Variants in LIPA observed in about 807,000 individuals in gnomAD.
The protein encoded by LIPA is lysosomal acid lipase/cholesteryl ester hydrolase.
Under a neutral mutation model 40.6 loss-of-function variants are expected in LIPA, and 26 were observed. The observed-to-expected ratio is 0.64, with a 90% CI of 0.47 to 0.89. The LOEUF is 0.89. Ranked by LOEUF, LIPA falls within the 40% of genes least tolerant of loss-of-function variation. LIPA has a pLI of 0.00. For missense variants in LIPA, 455 were observed against 479.6 expected (o/e 0.95, Z 0.48); for synonymous variants, 188 against 168.4 (o/e 1.12, Z -0.90).
chr10:89,238,583 C>T (rs1218805176), intron 3 of LIPA, among the ~76,000 whole-genome samples: 2 of 152,160 alleles, frequency 1.3e-5, no homozygotes, highest in Non-Finnish European at 2.9e-5. Flanking sequence ...CCCCCTCTTC[C>T]ACCTCTGCTA....
intron 2 of LIPA, among the ~76,000 whole-genome samples, chr10:89,393,820 T>TA (rs1431398538): frequency 2.0e-5 from 3 of 152,102 alleles, no homozygotes; most frequent in African/African-American, 7.2e-5. Context: ...TTTGAAGAGG[T>TA]AAAAATTCCA....
At chr10:89,402,835 G>T in intron 2 of LIPA, 1 of 1,614,142 alleles carries the variant, frequency 6.2e-7, no homozygotes, top group South Asian at 1.1e-5. Context: ...TCTGCCTATC[G>T]CCTGGATGGC....
chr10:89,229,374 T>C (rs1445320695), intron 3 of LIPA, among the ~76,000 whole-genome samples: 2 of 152,220 alleles, frequency 1.3e-5, no homozygotes, highest in Non-Finnish European at 2.9e-5. Flanking sequence ...TTCAGGGCAG[T>C]AAGACTACTC....
upstream of LIPA, among the ~76,000 whole-genome samples, chr10:89,256,438 A>T (rs916185296): frequency 1.3e-5 from 2 of 152,244 alleles, no homozygotes; most frequent in Non-Finnish European, 2.9e-5. Flanking sequence ...AGCTGAGAAG[A>T]CAATGAGGTT....
chr10:89,403,845 C>G, intron 2 of LIPA: 2 of 606,728 alleles, frequency 3.3e-6, no homozygotes, highest in Non-Finnish European at 5.6e-6. Context: ...ATAAATCTGA[C>G]AAAATATTAG....
chr10:89,309,397 C>A (rs1348922598), intron 1 of LIPA: 1 of 152,212 alleles, frequency 6.6e-6, no homozygotes, highest in East Asian at 1.9e-4. Flanking sequence ...TAATGGAAAA[C>A]ACAAATCACA....
intron 3 of LIPA, among the ~76,000 whole-genome samples, chr10:89,233,642 G>A (rs1371411152): frequency 2.0e-5 from 3 of 152,192 alleles, no homozygotes; most frequent in East Asian, 1.9e-4. Flanking sequence ...GCTCACGCCT[G>A]TAATCCCAGC....
intron 2 of LIPA, chr10:89,403,457 T>G: frequency 6.2e-7 from 1 of 1,613,642 alleles, no homozygotes; most frequent in South Asian, 1.1e-5. Flanking sequence ...AAAAGAAATC[T>G]GACGTCAATG....
Position 89,359,031 on chromosome 10 carries a change from T to TGGA in LIPA, c.61+53757_61+53759dup, listed in dbSNP as rs1332824962. ...TCAAAATATCAGTTCTTTCAGTGAATGGAGCAAAGGAGGATGCCCATCAGC... is the reference window on the plus strand; with the variant it reads ...TCAAAATATCAGTTCTTTCAGTGAATGGAGGAGCAAAGGAGGATGCCCATCAGC... On this transcript the variant is annotated intron_variant, in intron 2 of 8. Transcript: ENST00000371837. Among the ~76,000 whole-genome samples the TGGA allele has an allele frequency of 2.6e-5, 4 of 152,360 alleles. No individual in the cohort carries two copies. In the East Asian group the frequency reaches 7.7e-4, roughly 29 times the overall value.
At chr10:89,278,595 G>A (rs1020781025) in intron 1 of LIPA, 5 of 152,190 alleles carry the variant, frequency 3.3e-5, no homozygotes, top group African/African-American at 1.2e-4. Flanking sequence ...AGACCTGGAA[G>A]ACCTGGCAAT....
chr10:89,320,828 C>T (rs1045471388), intron 1 of LIPA, among the ~76,000 whole-genome samples: 1 of 152,118 alleles, frequency 6.6e-6, no homozygotes, highest in Non-Finnish European at 1.5e-5. Flanking sequence ...TACTACAAGG[C>T]TACAGTAACC....
At chr10:89,301,769 G>A (rs951479177) in intron 1 of LIPA, among the ~76,000 whole-genome samples, 1 of 152,166 alleles carries the variant, frequency 6.6e-6, no homozygotes, top group Non-Finnish European at 1.5e-5. Context: ...TGAAATAAGA[G>A]AGGGACAGTG....
At chr10:89,367,303 C>T (rs949950624) in intron 2 of LIPA, among the ~76,000 whole-genome samples, 3 of 152,026 alleles carry the variant, frequency 2.0e-5, no homozygotes, top group African/African-American at 7.3e-5. Flanking sequence ...TGCACATGTA[C>T]CCTAGAACTT....
At chr10:89,331,813 C>T (rs1422892525) in intron 1 of LIPA, among the ~76,000 whole-genome samples, 1 of 140,444 alleles carries the variant, frequency 7.1e-6, no homozygotes, top group Non-Finnish European at 1.5e-5. Flanking sequence ...AAGCTGAGAT[C>T]GTGCTACTGC....
chr10:89,228,303 C>T lies in LIPA; in HGVS notation c.325G>A (p.Ala109Thr), dbSNP rs765652517. 12 of 1,614,182 alleles carry T rather than the reference C, an allele frequency of 7.4e-6. No individual in the cohort carries two copies. The highest frequency in any genetic ancestry group is 1.0e-5 in the Non-Finnish European group (12 of 1,180,032). ...LANSSLGFILADAGFDVWMGN... is the reference protein window; with the variant it reads ...LANSSLGFILTDAGFDVWMGN... ...ATCCACACGTCAAAACCAGCATCAG[C>T]AAGAATGAAGCCCAGGCTGCTGTTG... Residue 109 changes from alanine (A) to threonine (T), a missense_variant, in exon 4 of 10, where the codon GCT becomes ACT. By Grantham distance (58) the Ala-to-Thr change is moderately conservative (BLOSUM62 0). Coordinates refer to ENST00000336233, the MANE Select transcript of LIPA (RefSeq NM_000235.4).
intron 2 of LIPA, among the ~76,000 whole-genome samples, chr10:89,408,160 G>A (rs919779741): frequency 3.3e-5 from 5 of 151,436 alleles, no homozygotes; most frequent in Admixed American, 1.3e-4. Context: ...TAAGCCATTG[G>A]GACCAATTTG....
intron 2 of LIPA, chr10:89,384,310 A>G (rs1232400546): frequency 1.2e-6 from 2 of 1,614,122 alleles, no homozygotes; most frequent in East Asian, 2.2e-5. Flanking sequence ...TGAAAAGACT[A>G]TAATGTTAAA....
intron 2 of LIPA, chr10:89,383,738 A>C: frequency 6.2e-7 from 1 of 1,614,212 alleles, no homozygotes; most frequent in Non-Finnish European, 8.5e-7. Flanking sequence ...CCAGAGGTGG[A>C]CTGTGAGGAA....
intron 1 of LIPA, 86 bp downstream of exon 1, chr10:89,251,651 C>A (rs1843124246): frequency 6.6e-6 from 1 of 152,276 alleles, no homozygotes; most frequent in Non-Finnish European, 1.5e-5. Context: ...CCGGCAGAGC[C>A]TCGGGGCGCG....
Sources: allele counts gnomAD v4.1 joint callset (sites outside exome capture counted in the v4.1 genomes callset), GRCh38; gene constraint gnomAD v4.1.1; transcripts MANE v1.5; gene names NCBI Gene and HGNC (gene_info 2026-07-23, HGNC 2026-07-21).